The following NADSYN1 variants were observed in gnomAD, a reference collection of about 807,000 sequenced individuals.
NADSYN1 encodes the protein NAD synthetase 1.
Under a neutral mutation model 99.3 loss-of-function variants are expected in NADSYN1, and 80 were observed. The observed-to-expected ratio is 0.81, with a 90% CI of 0.67 to 0.97. The LOEUF (loss-of-function observed/expected upper bound fraction) is 0.97. NADSYN1 is among the 50% of genes least tolerant of loss of function. NADSYN1 has a pLI of 0.00. For synonymous variants in NADSYN1, 385 were observed against 372.1 expected (o/e 1.03, Z -0.40); for missense variants, 859 against 948.5 (o/e 0.91, Z 1.24).
At chr11:71,487,830 CAAA>C (rs71049984) in intron 16 of NADSYN1, among the ~76,000 whole-genome samples, 8 of 80,098 alleles carry the variant, frequency 1.0e-4, no homozygotes, top group Non-Finnish European at 1.9e-4. Context: ...GACTCCGTCT[CAAA>C]AAAAAAAAAA....
rs1389571386 is a variant in NADSYN1 at position 71,453,353 on chromosome 11, C to G, written c.57C>G (p.Phe19Leu). 1 of 1,613,824 alleles carries G rather than the reference C, an allele frequency of 6.2e-7. No individual in the cohort carries two copies. The highest frequency in any genetic ancestry group is 8.5e-7 in the Non-Finnish European group (1 of 1,179,816). Residue 19 changes from phenylalanine (F) to leucine (L), a missense_variant, in exon 1 of 21, where the codon TTC becomes TTG. Phe to Leu is a conservative substitution (Grantham distance 22). Coordinates refer to ENST00000319023, the MANE Select transcript of NADSYN1 (RefSeq NM_018161.5). ...TCALNQWALDFEGNLQRILKS... is the reference protein window; with the variant it reads ...TCALNQWALDLEGNLQRILKS... The stretch of plus-strand genomic sequence containing the variant: ...CACTCAACCAGTGGGCCCTGGACTT[C>G]GAGGGCAATTTGCAAAGAATTTTAA...
At chr11:71,467,917 C>G (rs1315848175) in intron 5 of NADSYN1, among the ~76,000 whole-genome samples, 1 of 152,180 alleles carries the variant, frequency 6.6e-6, no homozygotes, top group Non-Finnish European at 1.5e-5. Flanking sequence ...TAGAAACATT[C>G]TTGTGAAACC....
chr11:71,477,602 G>A (rs1949677942), intron 9 of NADSYN1, among the ~76,000 whole-genome samples: 1 of 152,228 alleles, frequency 6.6e-6, no homozygotes, highest in African/African-American at 2.4e-5. Flanking sequence ...TTTTCATGAA[G>A]GAATAACCCC....
At chr11:71,478,715 G>T in intron 10 of NADSYN1, 1 of 480,646 alleles carries the variant, frequency 2.1e-6, no homozygotes, top group Non-Finnish European at 3.8e-6. Context: ...CAGGCAGAGA[G>T]GCTGACGAGA....
chr11:71,477,280 T>A, intron 9 of NADSYN1: 2 of 1,259,378 alleles, frequency 1.6e-6, no homozygotes, highest in East Asian at 1.2e-4. Context: ...CATGGAACGA[T>A]CCTCGCCTTC....
At position 71,488,236 on chromosome 11, in the gene NADSYN1, A is replaced by C. The variant is rs535768614; in HGVS notation, c.1562+2588A>C. ...TCAGAAACAATTCCTGTTCTCTGCA[A>C]GTGGGAGGAGACAGTGATAGCCCAG... On this transcript the variant is annotated intron_variant, in intron 16 of 20. Transcript: ENST00000319023. Among the ~76,000 whole-genome samples, 22 of 152,096 alleles carry C rather than the reference A, an allele frequency of 1.4e-4. No homozygotes were observed. The East Asian group carries it at 4.3e-3, about 29-fold the overall frequency.
chr11:71,493,773 C>T (rs1949800361), intron 18 of NADSYN1, among the ~76,000 whole-genome samples: 1 of 152,120 alleles, frequency 6.6e-6, no homozygotes, highest in South Asian at 2.1e-4. Context: ...TGTGTGGCAG[C>T]TGACAATGTA....
At chr11:71,498,816 C>T (rs1193176653) in intron 20 of NADSYN1, 4 of 262,992 alleles carry the variant, frequency 1.5e-5, no homozygotes, top group African/African-American at 2.2e-5. Flanking sequence ...TTACCCCACA[C>T]GCCTATTATT....
intron 10 of NADSYN1, 53 bp downstream of exon 10, chr11:71,478,522 T>C (rs1255870234): frequency 1.9e-5 from 29 of 1,518,498 alleles, no homozygotes; most frequent in Non-Finnish European, 2.6e-5. Flanking sequence ...ACGTGGAAAG[T>C]GGCCCCATTC....
At chr11:71,497,036 AC>A in intron 18 of NADSYN1, 1 of 205,852 alleles carries the variant, frequency 4.9e-6, no homozygotes, top group South Asian at 8.5e-5. Flanking sequence ...ACACCACCAC[AC>A]CCAGCTAGTT....
At chr11:71,476,015 C>G (rs2017686) in intron 9 of NADSYN1, 129,297 of 455,924 alleles carry the variant, frequency 0.28, 20,572 homozygotes, top group South Asian at 0.46. Flanking sequence ...CACCCGGCCT[C>G]TCTTTCTGTT....
At chr11:71,481,246 C>A in intron 11 of NADSYN1, 110 bp from the exon 12 acceptor site, 1 of 1,101,020 alleles carries the variant, frequency 9.1e-7, no homozygotes, top group Non-Finnish European at 1.4e-6. Context: ...GTCCTGAGAG[C>A]CCAGCGTTGA....
chr11:71,479,284 C>CA (rs1266409938), intron 10 of NADSYN1: 1 of 150,328 alleles, frequency 6.7e-6, no homozygotes, highest in Admixed American at 6.6e-5. Context: ...TTTTTAGAGA[C>CA]AGAGTCTCAC....
intron 8 of NADSYN1, among the ~76,000 whole-genome samples, 190 bp downstream of exon 8, chr11:71,473,876 C>T (rs572405746): frequency 5.3e-5 from 8 of 152,352 alleles, no homozygotes; most frequent in South Asian, 2.1e-4. Context: ...ATCTCACCCA[C>T]GCAGCCACCC....
intron 13 of NADSYN1, among the ~76,000 whole-genome samples, chr11:71,482,421 C>T (rs1949714302): frequency 6.6e-6 from 1 of 152,174 alleles, no homozygotes. Context: ...ATAGCCTGGG[C>T]TGGCGCTGCA....
rs376633541 is a variant in NADSYN1 at position 71,490,942 on chromosome 11, T to C, written c.1660T>C (p.Cys554Arg). 6.2e-7 allele frequency: 1 copy of C among 1,614,228 alleles called. No individual in the cohort carries two copies. The highest frequency in any genetic ancestry group is 8.5e-7 in the Non-Finnish European group (1 of 1,180,024). The stretch of plus-strand genomic sequence containing the variant: ...GGACCTCAGGGCCTTCGTCCAGTTC[T>C]GCATCCAGCGCTTCCAGCTTCCTGC... ...KTDLRAFVQF[C>R]IQRFQLPALQ... The change falls in exon 17 of 21, where the codon TGC (cysteine) becomes CGC (arginine). Residue 554 changes from cysteine (C) to arginine (R), a missense_variant. Transcript: ENST00000319023.
chr11:71,477,612 CT>C (rs1488858676), intron 9 of NADSYN1, among the ~76,000 whole-genome samples: 1 of 152,236 alleles, frequency 6.6e-6, no homozygotes, highest in Non-Finnish European at 1.5e-5. Context: ...GGAATAACCC[CT>C]ATGAGTTAAA....
intron 18 of NADSYN1, 37 bp from the exon 19 acceptor site, chr11:71,497,446 T>C: frequency 6.2e-7 from 1 of 1,613,668 alleles, no homozygotes; most frequent in Non-Finnish European, 8.5e-7. Context: ...CCGCTGTGAC[T>C]TGCTGTCATC....
chr11:71,461,204 G>A (rs766940989), intron 3 of NADSYN1, among the ~76,000 whole-genome samples: 10 of 152,066 alleles, frequency 6.6e-5, no homozygotes, highest in African/African-American at 2.4e-4. Context: ...TGAAAGCGCC[G>A]CCCTGATCTG....
Sources: allele counts gnomAD v4.1 joint callset (sites outside exome capture counted in the v4.1 genomes callset), GRCh38; gene constraint gnomAD v4.1.1; transcripts MANE v1.5; gene names NCBI Gene and HGNC (gene_info 2026-07-23, HGNC 2026-07-21).